CSMD1: variants seen among roughly 807,000 people sequenced by gnomAD.
CSMD1 encodes CUB and sushi domain-containing protein 1.
CSMD1 carries 213 observed loss-of-function variants against 417.5 expected under a neutral mutation model. That is an observed-to-expected ratio of 0.51 (90% CI 0.46 to 0.57). CSMD1 has a LOEUF of 0.57. Among genes scored for constraint, CSMD1 ranks in the 20% least tolerant of loss-of-function variants. The probability of loss-of-function intolerance (pLI) is 0.00; values close to 1 mark genes in which losing one functional copy is unlikely to be tolerated. For synonymous variants in CSMD1, 2,862 were observed against 1,736.8 expected (o/e 1.65, Z -16.11); for missense variants, 6,923 against 4,529.7 (o/e 1.53, Z -15.17).
chr8:4,233,269 T>G (rs1318655994), intron 3 of CSMD1, among the ~76,000 whole-genome samples: 2 of 152,212 alleles, frequency 1.3e-5, no homozygotes, highest in African/African-American at 2.4e-5. Context: ...CTTCTTTGTA[T>G]GCAGAAGTGC....
At chr8:2,969,383 T>A (rs1202572251) in intron 57 of CSMD1, among the ~76,000 whole-genome samples, 5 of 152,130 alleles carry the variant, frequency 3.3e-5, no homozygotes, top group Non-Finnish European at 7.4e-5. Context: ...ATGAGATAGA[T>A]CCATTTGAAA....
intron 2 of CSMD1, among the ~76,000 whole-genome samples, chr8:4,446,591 T>C (rs1585089366): frequency 6.6e-6 from 1 of 152,222 alleles, no homozygotes; most frequent in South Asian, 2.1e-4. Context: ...TCTCATTCTG[T>C]CACCCAGGCT....
chr8:4,453,153 T>C (rs1486245000), intron 2 of CSMD1, among the ~76,000 whole-genome samples: 2 of 151,854 alleles, frequency 1.3e-5, no homozygotes, highest in Non-Finnish European at 2.9e-5. Context: ...GAGGCAAATA[T>C]GGCACAAGCC....
intron 1 of CSMD1, among the ~76,000 whole-genome samples, chr8:4,748,855 C>G (rs1337878934): frequency 6.6e-6 from 1 of 152,212 alleles, no homozygotes; most frequent in Non-Finnish European, 1.5e-5. Flanking sequence ...GAACATACGC[C>G]CCTTCAGGAG....
Position 4,787,287 on chromosome 8 carries a change from G to A in CSMD1, c.86-149729C>T, listed in dbSNP as rs373350252. 1,437 of 666,312 alleles carry A rather than the reference G, an allele frequency of 2.2e-3. 38 individuals are homozygous for A. The highest frequency in any genetic ancestry group is 0.021 in the South Asian group (1,315 of 61,920). 41.3% of individuals were successfully genotyped at this position (666,312 alleles called of 1,614,324 possible). ...GATCACCCCTCTTTTCTAGAGCTCT[G>A]CCTCACTTACCGGCGCGGTCGCAGC... On this transcript the variant is annotated intron_variant, in intron 1 of 69. Transcript: ENST00000635120.
At chr8:3,647,770 G>C (rs553573809) in intron 7 of CSMD1, among the ~76,000 whole-genome samples, 3 of 152,300 alleles carry the variant, frequency 2.0e-5, no homozygotes, top group Non-Finnish European at 2.9e-5. Context: ...CAGAGAGAAA[G>C]AGTGAGAGAA....
chr8:4,577,359 T>C (rs1164296693), intron 2 of CSMD1, among the ~76,000 whole-genome samples: 1 of 152,186 alleles, frequency 6.6e-6, no homozygotes, highest in African/African-American at 2.4e-5. Flanking sequence ...TATTTCAGAA[T>C]TACCTTCTAA....
intron 63 of CSMD1, 104 bp downstream of exon 63, chr8:2,957,592 G>C (rs956092755): frequency 2.7e-5 from 21 of 792,084 alleles, no homozygotes; most frequent in Non-Finnish European, 4.1e-5. Context: ...TTAGGATTAG[G>C]GAATTAAAAA....
chr8:3,198,676 A>G (rs747232287), intron 33 of CSMD1, among the ~76,000 whole-genome samples: 1 of 152,134 alleles, frequency 6.6e-6, no homozygotes, highest in Non-Finnish European at 1.5e-5. Context: ...TTTACACTGA[A>G]CTGTTTTGAA....
chr8:4,738,384 A>T (rs1441855011), intron 1 of CSMD1, among the ~76,000 whole-genome samples: 2 of 152,176 alleles, frequency 1.3e-5, no homozygotes, highest in Non-Finnish European at 2.9e-5. Context: ...GGCAGCAAAC[A>T]TGTTTTTCAA....
intron 3 of CSMD1, among the ~76,000 whole-genome samples, chr8:4,046,999 G>A (rs1798181877): frequency 6.6e-6 from 1 of 152,146 alleles, no homozygotes; most frequent in Admixed American, 6.5e-5. Context: ...CCTCCCTGAT[G>A]CATGACTTAG....
chr8:4,045,795 C>T (rs900106707), intron 3 of CSMD1, among the ~76,000 whole-genome samples: 2 of 152,286 alleles, frequency 1.3e-5, no homozygotes, highest in Non-Finnish European at 2.9e-5. Flanking sequence ...TATTTCCAGA[C>T]ATTGTGAGAC....
rs371030431 is a variant in CSMD1 at position 4,622,205 on chromosome 8, A to G, written c.302+15137T>C. 1.4e-4 allele frequency among the ~76,000 whole-genome samples: 22 copies of G among 151,788 alleles called. 1 individual carries two copies. Among genetic ancestry groups the G allele is most frequent in the Admixed American group, 3.9e-4 (6 of 15,206 alleles). ...AAAAAAAAGAATGGCAGACATATTG[A>G]CCTGACATTACCTGGAGGCTCAGGC... On this transcript the variant is annotated intron_variant, in intron 2 of 69. Coordinates refer to ENST00000635120, the MANE Select transcript of CSMD1 (RefSeq NM_033225.6).
chr8:3,898,674 T>C (rs1807524805), intron 5 of CSMD1, among the ~76,000 whole-genome samples: 1 of 152,186 alleles, frequency 6.6e-6, no homozygotes, highest in Non-Finnish European at 1.5e-5. Context: ...TATTTGTTGG[T>C]TTGTTTCTCA....
rs6998694 is a variant in CSMD1 at position 3,037,293 on chromosome 8, C to T, written c.7661-7780G>A. Among the ~76,000 whole-genome samples, 263 of 145,566 alleles carry T rather than the reference C, an allele frequency of 1.8e-3. 2 individuals are homozygous for T. The highest frequency in any genetic ancestry group is 5.7e-3 in the African/African-American group (229 of 40,034). ...GGATCTCGGCTCACTGCAAGCTCCG[C>T]CTCCTGGGTTCACGCCATTCTCCTG... On this transcript the variant is annotated intron_variant, in intron 50 of 69. Coordinates refer to ENST00000635120, the MANE Select transcript of CSMD1 (RefSeq NM_033225.6).
At chr8:4,234,271 C>G (rs1801915300) in intron 3 of CSMD1, among the ~76,000 whole-genome samples, 1 of 152,160 alleles carries the variant, frequency 6.6e-6, no homozygotes, top group Admixed American at 6.5e-5. Context: ...ACAAGACTTA[C>G]ACGAAGTGAT....
intron 3 of CSMD1, among the ~76,000 whole-genome samples, chr8:4,361,246 G>A (rs1801741496): frequency 6.6e-6 from 1 of 151,930 alleles, no homozygotes; most frequent in Non-Finnish European, 1.5e-5. Context: ...AAAGCAGGAA[G>A]GAAAAGGCGT....
At chr8:4,317,468 G>C (rs1362290168) in intron 3 of CSMD1, among the ~76,000 whole-genome samples, 1 of 152,170 alleles carries the variant, frequency 6.6e-6, no homozygotes, top group East Asian at 1.9e-4. Flanking sequence ...TACGCTGCCA[G>C]TGTAAGGCAT....
chr8:3,212,496 G>A (rs890682977), intron 30 of CSMD1, among the ~76,000 whole-genome samples: 12 of 152,100 alleles, frequency 7.9e-5, no homozygotes, highest in Admixed American at 7.9e-4. Context: ...CTACAGGCAT[G>A]AGCCACCACA....
Sources: allele counts gnomAD v4.1 joint callset (sites outside exome capture counted in the v4.1 genomes callset), GRCh38; gene constraint gnomAD v4.1.1; transcripts MANE v1.5; gene names NCBI Gene and HGNC (gene_info 2026-07-23, HGNC 2026-07-21).